WNT2: variants seen among roughly 807,000 people sequenced by gnomAD.
WNT2 encodes the protein protein Wnt-2.
A neutral mutation model predicts 36.9 loss-of-function variants in WNT2; 12 were observed. That is an observed-to-expected ratio of 0.33 (90% confidence interval 0.21 to 0.53). The LOEUF is 0.53. WNT2 is among the 20% of genes least tolerant of loss of function. WNT2 has a pLI of 0.95. For missense variants in WNT2, 379 were observed against 473.1 expected, an observed-to-expected ratio of 0.80 and a Z score of 1.84; for synonymous variants, 163 against 174.6, an observed-to-expected ratio of 0.93 and a Z score of 0.52.
At chr7:117,300,110 A>G (rs930736665) in intron 3 of WNT2, among the ~76,000 whole-genome samples, 4 of 152,154 alleles carry the variant, frequency 2.6e-5, no homozygotes, top group Non-Finnish European at 4.4e-5. Flanking sequence ...GTGCTGATTC[A>G]GTTTGGGCCA....
intron 3 of WNT2, among the ~76,000 whole-genome samples, chr7:117,312,250 G>A (rs39309): frequency 0.27 from 40,975 of 151,966 alleles, 5,839 homozygotes; most frequent in African/African-American, 0.31. Context: ...TGCAGCCTCA[G>A]CCTCCCTGGC....
intron 3 of WNT2, among the ~76,000 whole-genome samples, chr7:117,302,086 G>A (rs984215343): frequency 2.0e-5 from 3 of 151,930 alleles, no homozygotes; most frequent in Non-Finnish European, 4.4e-5. Flanking sequence ...GTGAGCCACT[G>A]TGCCCAACCC....
chr7:117,317,332 C>T (rs1348137021), intron 2 of WNT2, among the ~76,000 whole-genome samples: 1 of 152,304 alleles, frequency 6.6e-6, no homozygotes, highest in East Asian at 1.9e-4. Context: ...GAAAACAAAT[C>T]ACAATCTGCT....
chr7:117,310,356 G>T (rs1795097480), intron 3 of WNT2, among the ~76,000 whole-genome samples: 1 of 151,916 alleles, frequency 6.6e-6, no homozygotes, highest in African/African-American at 2.4e-5. Context: ...CTTGAGCCCA[G>T]GAGTTCAAGA....
chr7:117,287,144 C>T (rs755722370), intron 4 of WNT2, among the ~76,000 whole-genome samples: 6 of 152,104 alleles, frequency 3.9e-5, no homozygotes, highest in Non-Finnish European at 5.9e-5. Flanking sequence ...TTCATGAGAT[C>T]GAGACCATCT....
At chr7:117,321,587 A>C (rs1390511956) in intron 1 of WNT2, among the ~76,000 whole-genome samples, 4 of 152,228 alleles carry the variant, frequency 2.6e-5, no homozygotes, top group Non-Finnish European at 5.9e-5. Flanking sequence ...CCAAGCTGCC[A>C]TAGGTGTCTT....
intron 3 of WNT2, among the ~76,000 whole-genome samples, chr7:117,307,371 G>A (rs1168419239): frequency 1.3e-5 from 2 of 152,092 alleles, no homozygotes; most frequent in Non-Finnish European, 2.9e-5. Flanking sequence ...AAACACCCAG[G>A]AGTAGAGGAG....
intron 4 of WNT2, among the ~76,000 whole-genome samples, chr7:117,289,040 T>C (rs1438716732): frequency 6.6e-6 from 1 of 150,606 alleles, no homozygotes; most frequent in Non-Finnish European, 1.5e-5. Context: ...GATGCATTAG[T>C]TCACGTTAGA....
chr7:117,285,003 C>A (rs550205673), intron 4 of WNT2, among the ~76,000 whole-genome samples: 1 of 152,228 alleles, frequency 6.6e-6, no homozygotes, highest in African/African-American at 2.4e-5. Flanking sequence ...CCCGGCCAGG[C>A]ACCAGAAAGC....
At chr7:117,278,815 CT>C (rs1794428605) in intron 4 of WNT2, among the ~76,000 whole-genome samples, 1 of 152,214 alleles carries the variant, frequency 6.6e-6, no homozygotes, top group African/African-American at 2.4e-5. Flanking sequence ...AAGGTTAGCT[CT>C]CTTCAAATTT....
chr7:117,287,145 G>A (rs1290738575), intron 4 of WNT2, among the ~76,000 whole-genome samples: 1 of 152,074 alleles, frequency 6.6e-6, no homozygotes, highest in African/African-American at 2.4e-5. Flanking sequence ...TCATGAGATC[G>A]AGACCATCTT....
chr7:117,298,167 T>A (rs1469929776), intron 3 of WNT2, among the ~76,000 whole-genome samples: 1 of 152,328 alleles, frequency 6.6e-6, no homozygotes, highest in East Asian at 1.9e-4. Context: ...TGTGGCCAGT[T>A]AGAAGAGTGA....
chr7:117,299,638 G>A (rs1459029849), intron 3 of WNT2, among the ~76,000 whole-genome samples: 1 of 151,886 alleles, frequency 6.6e-6, no homozygotes, highest in Non-Finnish European at 1.5e-5. Flanking sequence ...GACTACAGGT[G>A]CATGCCACCA....
At chr7:117,278,485 G>A in intron 4 of WNT2, 101 bp from the exon 5 acceptor site, 1 of 1,157,552 alleles carries the variant, frequency 8.6e-7, no homozygotes. Flanking sequence ...ACAGAGCCCT[G>A]ACCCTCTCTT....
At chr7:117,280,243 C>T (rs1450964249) in intron 4 of WNT2, among the ~76,000 whole-genome samples, 1 of 152,164 alleles carries the variant, frequency 6.6e-6, no homozygotes, top group Non-Finnish European at 1.5e-5. Flanking sequence ...GAGGCAGCAG[C>T]TCAGCTTGGA....
intron 3 of WNT2, among the ~76,000 whole-genome samples, chr7:117,302,506 G>A (rs1215991563): frequency 6.6e-6 from 1 of 152,098 alleles, no homozygotes; most frequent in African/African-American, 2.4e-5. Context: ...TAAATGAAGA[G>A]TGTTTTTGCA....
At chr7:117,301,664 A>G (rs939044588) in intron 3 of WNT2, among the ~76,000 whole-genome samples, 1 of 152,238 alleles carries the variant, frequency 6.6e-6, no homozygotes, top group Non-Finnish European at 1.5e-5. Flanking sequence ...CCAGCTATTT[A>G]AAGGTAGAAC....
At position 117,276,497 on chromosome 7, in the gene WNT2, A is replaced by T. The variant is rs1183984334; in HGVS notation, c.*1658T>A. ...ACAATTTGGGAATGAGGGAAAGGGG[A>T]TGAATTCTGACATTTTTAAGAGGGC... On this transcript the variant is annotated 3_prime_UTR_variant, in exon 5 of 5. Coordinates refer to ENST00000265441, the MANE Select transcript of WNT2 (RefSeq NM_003391.3). 1 of 152,218 alleles carries T rather than the reference A, an allele frequency of 6.6e-6. No homozygotes were observed. The highest frequency in any genetic ancestry group is 1.5e-5 in the Non-Finnish European group (1 of 68,034). 9.4% of individuals were successfully genotyped at this position (152,218 alleles called of 1,614,324 possible).
chr7:117,292,511 G>C (rs1794708973), intron 4 of WNT2, among the ~76,000 whole-genome samples: 1 of 152,158 alleles, frequency 6.6e-6, no homozygotes, highest in African/African-American at 2.4e-5. Context: ...CTGACTCGCA[G>C]CAGGAAATCA....
Sources: allele counts gnomAD v4.1 joint callset (sites outside exome capture counted in the v4.1 genomes callset), GRCh38; gene constraint gnomAD v4.1.1; transcripts MANE v1.5; gene names NCBI Gene and HGNC (gene_info 2026-07-23, HGNC 2026-07-21).